The following CASP4 variants were observed in gnomAD, a reference collection of about 807,000 sequenced individuals.
CASP4 encodes caspase 4.
CASP4 carries 29 observed loss-of-function variants against 41.3 expected under a neutral mutation model. That is an observed-to-expected ratio of 0.70 (90% CI 0.52 to 0.96). The LOEUF is 0.96. Among genes scored for constraint, CASP4 ranks in the 40% least tolerant of loss-of-function variants. The pLI is 0.00. For synonymous variants in CASP4, 185 were observed against 158.4 expected (o/e 1.17, Z -1.26); for missense variants, 447 against 460.6 (o/e 0.97, Z 0.27).
At chr11:104,968,498 C>T in intron 1 of CASP4, 21 bp downstream of exon 1, 2 of 1,610,912 alleles carry the variant, frequency 1.2e-6, no homozygotes, top group Non-Finnish European at 1.7e-6. Flanking sequence ...CTCCCAAACT[C>T]CTAGTCAGAA....
chr11:104,952,103 T>G (rs555388073), intron 2 of CASP4, 98 bp from the exon 3 acceptor site: 27 of 718,402 alleles, frequency 3.8e-5, no homozygotes, highest in Non-Finnish European at 6.4e-5. Context: ...GGAAGATTTC[T>G]TCACATATAG....
intron 1 of CASP4, among the ~76,000 whole-genome samples, chr11:104,964,786 A>G (rs1022700750): frequency 6.6e-6 from 1 of 152,168 alleles, no homozygotes; most frequent in Non-Finnish European, 1.5e-5. Context: ...AGAGGAATTT[A>G]CCCAACTCAT....
intron 2 of CASP4, 135 bp downstream of exon 2, chr11:104,954,612 G>A: frequency 2.3e-6 from 2 of 864,632 alleles, no homozygotes; most frequent in Non-Finnish European, 3.6e-6. Context: ...TCTCTAAAAG[G>A]ACAAAGATAG....
At chr11:104,957,185 A>G (rs1352616205) in intron 1 of CASP4, among the ~76,000 whole-genome samples, 1 of 152,180 alleles carries the variant, frequency 6.6e-6, no homozygotes, top group Non-Finnish European at 1.5e-5. Flanking sequence ...ATCTTTTAGA[A>G]CAAATAAACA....
intron 1 of CASP4, among the ~76,000 whole-genome samples, chr11:104,957,520 T>C (rs1473670028): frequency 6.8e-6 from 1 of 147,906 alleles, no homozygotes; most frequent in Admixed American, 6.6e-5. Context: ...TATAGTGAGC[T>C]ATAATTGTGA....
chr11:104,943,186 G>A, intron 8 of CASP4: 1 of 329,150 alleles, frequency 3.0e-6, no homozygotes, highest in South Asian at 2.5e-5. Flanking sequence ...CACTAGAAAG[G>A]CTTCCTGTCT....
intron 1 of CASP4, among the ~76,000 whole-genome samples, chr11:104,965,075 A>G (rs1860943325): frequency 6.6e-6 from 1 of 152,172 alleles, no homozygotes; most frequent in Non-Finnish European, 1.5e-5. Flanking sequence ...TAATATACCC[A>G]TTGTTAGTTT....
chr11:104,951,889 A>G lies in CASP4; in HGVS notation c.372+7T>C, dbSNP rs376072540. ...TTTTTTTCTATTTCATATAGATAGCATAGCACCTCTTCAGCTCTTTCTTTA... is the reference window on the plus strand; with the variant it reads ...TTTTTTTCTATTTCATATAGATAGCGTAGCACCTCTTCAGCTCTTTCTTTA... On this transcript the variant is annotated splice_region_variant and intron_variant, in intron 3 of 8. Coordinates refer to ENST00000444739, the MANE Select transcript of CASP4 (RefSeq NM_001225.4). The G allele has an allele frequency of 2.6e-5, 40 of 1,556,764 alleles. No individual in the cohort carries two copies. Among genetic ancestry groups the G allele is most frequent in the Non-Finnish European group, 3.5e-5 (40 of 1,128,680 alleles).
intron 1 of CASP4, 81 bp from the exon 2 acceptor site, chr11:104,955,082 G>A: frequency 7.4e-7 from 1 of 1,360,406 alleles, no homozygotes. Context: ...GTTCTATAAT[G>A]TGAAATACTT....
intron 1 of CASP4, among the ~76,000 whole-genome samples, chr11:104,967,528 A>C (rs1182532533): frequency 1.3e-5 from 2 of 152,206 alleles, no homozygotes; most frequent in Admixed American, 6.5e-5. Flanking sequence ...CCCTGAGCAA[A>C]GTTAATTACA....
Position 104,942,960 on chromosome 11 carries a change from C to A in CASP4, c.*19G>T, listed in dbSNP as rs1401010788. 3 of 455,500 alleles carry A rather than the reference C, an allele frequency of 6.6e-6. No individual in the cohort carries two copies. The highest frequency in any genetic ancestry group is 1.5e-5 in the South Asian group (1 of 64,538). 28.2% of individuals were successfully genotyped at this position (455,500 alleles called of 1,614,324 possible). A position where few individuals can be genotyped will look rare whatever the true frequency, so the allele number is the denominator to read the frequency against. On this transcript the variant is annotated 3_prime_UTR_variant, in exon 9 of 9. Transcript: ENST00000444739. ...TTGAAGTTGATTAAGGAGGGCTGGG[C>A]TGCTTGTGGCTTCCTGCAGGGGAGA...
chr11:104,954,867 C>T lies in CASP4; in HGVS notation c.142G>A (p.Ala48Thr). The change falls in exon 2 of 9, where the codon GCT becomes ACT. Residue 48 changes from alanine (A) to threonine (T), a missense_variant. Transcript: ENST00000444739. ...KEEEKKKYYD[A>T]KTEDKVRVMA... ...ACCCGAACTTTGTCTTCAGTTTTAG[C>T]ATCGTAATATTTCTTTTTTTCCTCT... is the stretch of plus-strand genomic sequence containing the variant. 6.2e-7 allele frequency: 1 copy of T among 1,613,824 alleles called. No homozygotes were observed. The highest frequency in any genetic ancestry group is 8.5e-7 in the Non-Finnish European group (1 of 1,179,828).
intron 3 of CASP4, chr11:104,951,558 G>A: frequency 5.8e-6 from 2 of 343,332 alleles, no homozygotes; most frequent in South Asian, 6.4e-5. Flanking sequence ...TTCAAGTAGA[G>A]TGCAACCAAT....
chr11:104,952,148 A>C (rs1175988198), intron 2 of CASP4, 143 bp from the exon 3 acceptor site: 2 of 586,058 alleles, frequency 3.4e-6, no homozygotes, highest in Non-Finnish European at 6.1e-6. Flanking sequence ...AGTATTCTAC[A>C]TCAGGAGATG....
intron 1 of CASP4, among the ~76,000 whole-genome samples, chr11:104,967,744 C>A (rs1944900): frequency 3.3e-5 from 5 of 151,954 alleles, no homozygotes; most frequent in Admixed American, 6.6e-5. Context: ...CAGATTGCTG[C>A]GATATGTTAT....
intron 1 of CASP4, among the ~76,000 whole-genome samples, chr11:104,958,516 A>G (rs576535397): frequency 4.0e-4 from 61 of 152,248 alleles, no homozygotes; most frequent in African/African-American, 1.4e-3. Context: ...TATGTATATG[A>G]AAAATGATCA....
At chr11:104,968,352 A>G (rs1176815120) in intron 1 of CASP4, among the ~76,000 whole-genome samples, 167 bp downstream of exon 1, 4 of 152,236 alleles carry the variant, frequency 2.6e-5, no homozygotes, top group Non-Finnish European at 4.4e-5. Flanking sequence ...ACCTCCGTCA[A>G]TATCTCTAAC....
At position 104,944,735 on chromosome 11, in the gene CASP4, C is replaced by G; in HGVS notation, c.*5+13G>C. The G allele has an allele frequency of 6.6e-7, 1 of 1,511,304 alleles. No individual in the cohort carries two copies. The highest frequency in any genetic ancestry group is 9.2e-7 in the Non-Finnish European group (1 of 1,086,576). 93.6% of individuals were successfully genotyped at this position (1,511,304 alleles called of 1,614,324 possible). On this transcript the variant is annotated intron_variant, in intron 8 of 8. Transcript: ENST00000444739. ...TTTATTTCACATACCACCAACAACT[C>G]TCAATACTTAACCATTTTCAATTGC...
Position 104,944,764 on chromosome 11 carries a change from G to GA in CASP4, c.1122dup (p.Pro375SerfsTer?), listed in dbSNP as rs754819583. 1.2e-6 allele frequency: 2 copies of GA among 1,608,068 alleles called. No homozygotes were observed. Among genetic ancestry groups the GA allele is most frequent in the African/African-American group, 2.7e-5 (2 of 74,772 alleles). On this transcript the variant is annotated frameshift_variant, in exon 8 of 9. Transcript: ENST00000444739. LOFTEE classifies it low-confidence loss of function (END_TRUNC). The stretch of plus-strand genomic sequence containing the variant: ...ATACTTAACCATTTTCAATTGCCAG[G>GA]AAAGAGGTAGAAATATCTTGTCATG...
Sources: allele counts gnomAD v4.1 joint callset (sites outside exome capture counted in the v4.1 genomes callset), GRCh38; gene constraint gnomAD v4.1.1; transcripts MANE v1.5; gene names NCBI Gene and HGNC (gene_info 2026-07-23, HGNC 2026-07-21).